The following RNF220 variants were observed in gnomAD, a reference collection of about 807,000 sequenced individuals.
RNF220 encodes the protein E3 ubiquitin-protein ligase RNF220.
Under a neutral mutation model 67.1 loss-of-function variants are expected in RNF220, and 7 were observed. The observed-to-expected ratio is 0.10, with a 90% confidence interval of 0.06 to 0.20. RNF220 has a LOEUF of 0.20. Among genes scored for constraint, RNF220 ranks in the 10% least tolerant of loss-of-function variants. The pLI, the probability that RNF220 is intolerant of heterozygous loss-of-function variation, is 1.00. For missense variants in RNF220, 565 were observed against 740.3 expected (o/e 0.76, Z 2.75); for synonymous variants, 270 against 283.2 (o/e 0.95, Z 0.47).
chr1:44,568,751 T>C (rs1352580727), intron 2 of RNF220, among the ~76,000 whole-genome samples: 7 of 151,990 alleles, frequency 4.6e-5, no homozygotes. Flanking sequence ...TTGGGTGGAG[T>C]CCGAGCTCCC....
intron 2 of RNF220, chr1:44,573,019 G>C (rs937409856): frequency 1.8e-5 from 7 of 394,638 alleles, no homozygotes; most frequent in South Asian, 1.3e-4. Flanking sequence ...GCACGCAGGA[G>C]AACTGAAGAG....
intron 2 of RNF220, among the ~76,000 whole-genome samples, chr1:44,503,060 G>T (rs180940060): frequency 6.6e-6 from 1 of 151,950 alleles, no homozygotes; most frequent in Non-Finnish European, 1.5e-5. Context: ...AGGGCCAGGC[G>T]CAGTGGCTCA....
At chr1:44,620,084 A>G (rs909760533) in intron 3 of RNF220, among the ~76,000 whole-genome samples, 4 of 152,196 alleles carry the variant, frequency 2.6e-5, no homozygotes, top group South Asian at 2.1e-4. Flanking sequence ...GTCACACAGA[A>G]AGCAAAGAAA....
chr1:44,434,967 C>T (rs1219186030), intron 2 of RNF220, among the ~76,000 whole-genome samples: 1 of 149,320 alleles, frequency 6.7e-6, no homozygotes, highest in African/African-American at 2.5e-5. Flanking sequence ...TTCAAGGCTG[C>T]AATGAGCTAT....
intron 8 of RNF220, chr1:44,643,060 C>T (rs2148502469): frequency 6.6e-6 from 1 of 152,584 alleles, no homozygotes. Flanking sequence ...CTTAATGGCC[C>T]TGCTGCTGAC....
rs151147402 is a variant in RNF220 at position 44,522,917 on chromosome 1, A to G, written c.626-91248A>G. Among the ~76,000 whole-genome samples, 910 of 152,324 alleles carry G rather than the reference A, an allele frequency of 6.0e-3. 11 individuals are homozygous for G. The highest frequency in any genetic ancestry group is 0.021 in the African/African-American group (864 of 41,560). The stretch of plus-strand genomic sequence containing the variant: ...CTTAAGCACTCACAAAGCCAAAACA[A>G]AGCGTGCTACCCACACTGGCCTTGG... On this transcript the variant is annotated intron_variant, in intron 2 of 14. Coordinates refer to ENST00000361799, the MANE Select transcript of RNF220 (RefSeq NM_018150.4).
At chr1:44,597,353 G>T (rs77001218) in intron 2 of RNF220, among the ~76,000 whole-genome samples, 1 of 151,978 alleles carries the variant, frequency 6.6e-6, no homozygotes, top group Non-Finnish European at 1.5e-5. Flanking sequence ...AAAAACTTTG[G>T]GGGGAAAAGG....
At chr1:44,643,379 A>C (rs1481073370) in intron 8 of RNF220, 8 of 152,278 alleles carry the variant, frequency 5.3e-5, no homozygotes, top group Admixed American at 5.2e-4. Context: ...GTGTGTGCAC[A>C]TGCTTGGGGT....
chr1:44,411,932 C>T, intron 1 of RNF220, 49 bp from the exon 2 acceptor site: 1 of 723,984 alleles, frequency 1.4e-6, no homozygotes, highest in Admixed American at 3.3e-5. Context: ...TTTTTTTCCT[C>T]CCCCTGACTT....
chr1:44,586,456 C>T (rs755855865), intron 2 of RNF220, among the ~76,000 whole-genome samples: 5 of 152,104 alleles, frequency 3.3e-5, no homozygotes, highest in East Asian at 1.9e-4. Context: ...AGGACAGGAG[C>T]GCTGAGGAAG....
At position 44,600,635 on chromosome 1, in the gene RNF220, A is replaced by T. The variant is rs1666856009; in HGVS notation, c.626-13530A>T. 6.6e-6 allele frequency among the ~76,000 whole-genome samples: 1 copy of T among 152,184 alleles called. No individual in the cohort carries two copies. The highest frequency in any genetic ancestry group is 1.5e-5 in the Non-Finnish European group (1 of 68,032). ...CAGGAGTTGGAGACCAGCCTGGCCA[A>T]CACGATGAAACTCCGTCTCTATTAA... On this transcript the variant is annotated intron_variant, in intron 2 of 14. Coordinates refer to ENST00000361799, the MANE Select transcript of RNF220 (RefSeq NM_018150.4). This position sits in a 1 kb window ranked among gnomAD's most constrained non-coding sequence, Gnocchi z 4.0.
At chr1:44,525,370 C>T (rs944388817) in intron 2 of RNF220, among the ~76,000 whole-genome samples, 15 of 152,158 alleles carry the variant, frequency 9.9e-5, no homozygotes, top group African/African-American at 3.6e-4. Context: ...CCTAGCACAG[C>T]GCTCAGGGCT....
intron 2 of RNF220, among the ~76,000 whole-genome samples, chr1:44,590,672 C>T (rs1388395333): frequency 3.3e-5 from 5 of 152,214 alleles, no homozygotes; most frequent in Admixed American, 2.0e-4. Flanking sequence ...GGAGTGGATG[C>T]CGCTGATACC....
rs1180418492 is a variant in RNF220 at position 44,510,234 on chromosome 1, G to GA, written c.625+97524dup. Among the ~76,000 whole-genome samples, 734 of 101,852 alleles carry GA rather than the reference G, an allele frequency of 7.2e-3. 3 individuals carry two copies. The highest frequency in any genetic ancestry group is 8.9e-3 in the Non-Finnish European group (470 of 52,720). The allele number at this position is 101,852 out of a possible 152,430, so 66.8% of individuals were successfully genotyped here. A position where few individuals can be genotyped will look rare whatever the true frequency, so the allele number is the denominator to read the frequency against. ...AGCCTGGGTGACAGAGTGAGACCCT[G>GA]AAAAAAAAAAAAGGAAAGAGAGAGA... On this transcript the variant is annotated intron_variant, in intron 2 of 14. Coordinates refer to ENST00000361799, the MANE Select transcript of RNF220 (RefSeq NM_018150.4).
chr1:44,603,994 C>A (rs140430100), intron 2 of RNF220, among the ~76,000 whole-genome samples: 32 of 152,378 alleles, frequency 2.1e-4, no homozygotes, highest in African/African-American at 7.2e-4. Context: ...ATAAGCCCAT[C>A]GTCAGAACCA....
chr1:44,572,841 A>G (rs1363247492), intron 2 of RNF220, among the ~76,000 whole-genome samples: 2 of 152,120 alleles, frequency 1.3e-5, no homozygotes, highest in African/African-American at 4.8e-5. Context: ...GTTTGGCCCT[A>G]TAATTTTGCA....
At chr1:44,451,630 A>T (rs972164311) in intron 2 of RNF220, among the ~76,000 whole-genome samples, 4 of 150,334 alleles carry the variant, frequency 2.7e-5, no homozygotes, top group African/African-American at 4.9e-5. Context: ...ATTTTATTTT[A>T]TTTTTTTTTG....
At chr1:44,573,891 A>G (rs1432245679) in intron 2 of RNF220, among the ~76,000 whole-genome samples, 3 of 152,120 alleles carry the variant, frequency 2.0e-5, no homozygotes, top group Admixed American at 2.0e-4. Flanking sequence ...AGGTGGGTGG[A>G]TTGCTTGAGC....
At chr1:44,616,374 A>G (rs777488269) in intron 3 of RNF220, among the ~76,000 whole-genome samples, 11 of 152,212 alleles carry the variant, frequency 7.2e-5, no homozygotes, top group South Asian at 2.1e-4. Flanking sequence ...AATGCTCACT[A>G]TGTGCCGAGT....
Sources: allele counts gnomAD v4.1 joint callset (sites outside exome capture counted in the v4.1 genomes callset), GRCh38; gene constraint gnomAD v4.1.1; non-coding constraint Gnocchi (gnomAD v3.1); transcripts MANE v1.5; gene names NCBI Gene and HGNC (gene_info 2026-07-23, HGNC 2026-07-21).